Variants in RASGEF1B observed in about 807,000 individuals in gnomAD.
RASGEF1B encodes the protein RasGEF domain family member 1B.
RASGEF1B carries 30 observed loss-of-function variants against 65.7 expected under a neutral mutation model. The observed-to-expected ratio is 0.46, with a 90% CI of 0.34 to 0.62. The LOEUF (loss-of-function observed/expected upper bound fraction) is 0.62, where lower values mean the gene tolerates loss of function less well. Among genes scored for constraint, RASGEF1B ranks in the 20% least tolerant of loss-of-function variants. RASGEF1B has a pLI of 0.01. For missense variants in RASGEF1B, 495 were observed against 580.1 expected (o/e 0.85, Z 1.51); for synonymous variants, 175 against 194.8 (o/e 0.90, Z 0.85).
intron 7 of RASGEF1B, 53 bp downstream of exon 7, chr4:81,445,689 TA>T (rs1721995962): frequency 2.5e-5 from 39 of 1,585,364 alleles, no homozygotes; most frequent in Non-Finnish European, 3.3e-5. Context: ...AGTTCTAAAA[TA>T]AGTATGAAAA....
In RASGEF1B at chr4:81,427,781, A is replaced by G; in HGVS notation, c.1409T>C (p.Leu470Ser). 6.2e-7 allele frequency: 1 copy of G among 1,614,056 alleles called. No homozygotes were observed. The highest frequency in any genetic ancestry group is 8.5e-7 in the Non-Finnish European group (1 of 1,180,004). ...AGCTCCCATGTGTTAAACTCTGCCTAAGAGGCTCGACCTGAGTAATAAAAA... is the reference window on the plus strand; with the variant it reads ...AGCTCCCATGTGTTAAACTCTGCCTGAGAGGCTCGACCTGAGTAATAAAAA... ...DRWKSLRSSL[L>S]GRV Residue 470 changes from leucine to serine, a missense_variant, in exon 14 of 14, where the codon TTA becomes TCA. Transcript: ENST00000264400.
At chr4:81,450,380 GA>G (rs1193280008) in intron 4 of RASGEF1B, among the ~76,000 whole-genome samples, 1 of 137,422 alleles carries the variant, frequency 7.3e-6, no homozygotes, top group Non-Finnish European at 1.5e-5. Context: ...CTGATTGACT[GA>G]CTGAGACAGA....
intron 9 of RASGEF1B, 78 bp downstream of exon 9, chr4:81,442,219 A>G: frequency 1.1e-6 from 1 of 929,492 alleles, no homozygotes. Flanking sequence ...AGTCTGATGG[A>G]GAGGCAAGAC....
chr4:81,438,710 C>G (rs769820846), intron 10 of RASGEF1B, among the ~76,000 whole-genome samples: 14 of 152,082 alleles, frequency 9.2e-5, no homozygotes, highest in Middle Eastern at 3.4e-3. Flanking sequence ...TCCTAATGCT[C>G]TCCCTCCCCT....
At position 81,456,870 on chromosome 4, in the gene RASGEF1B, G is replaced by T; in HGVS notation, c.301-82C>A. Reference sequence around the variant, plus strand: ...ATCAATAGTTACAAAGAGCGTCACTGAGAAACTTCTAGTGCAAAGTCTTTA... The same window carrying T: ...ATCAATAGTTACAAAGAGCGTCACTTAGAAACTTCTAGTGCAAAGTCTTTA... On this transcript the variant is annotated intron_variant, in intron 3 of 13. Transcript: ENST00000264400. 3.2e-6 allele frequency: 4 copies of T among 1,266,748 alleles called. No individual in the cohort carries two copies. The South Asian group carries it at 5.8e-5, about 18-fold the overall frequency. 78.5% of individuals were successfully genotyped at this position (1,266,748 alleles called of 1,614,324 possible). A position where few individuals can be genotyped will look rare whatever the true frequency, so the allele number is the denominator to read the frequency against.
chr4:81,435,696 C>G (rs1169587543), intron 10 of RASGEF1B, among the ~76,000 whole-genome samples: 1 of 148,080 alleles, frequency 6.8e-6, no homozygotes, highest in Non-Finnish European at 1.5e-5. Context: ...AGGATGGTCT[C>G]GATCTCCTGA....
At chr4:81,431,848 C>T (rs1386304348) in intron 13 of RASGEF1B, among the ~76,000 whole-genome samples, 2 of 151,958 alleles carry the variant, frequency 1.3e-5, no homozygotes, top group Non-Finnish European at 2.9e-5. Flanking sequence ...GTTTAAAGTC[C>T]CAACTCTCTC....
In RASGEF1B at chr4:81,426,739, G is replaced by C. The variant is rs535361102; in HGVS notation, c.*1029C>G. ...TTTGTTTACTGCTATAGTGGGGACA[G>C]GTAACTTCTCCAATTTATTCTTTGT... is the stretch of plus-strand genomic sequence containing the variant. On this transcript the variant is annotated 3_prime_UTR_variant, in exon 14 of 14. Coordinates refer to ENST00000264400, the MANE Select transcript of RASGEF1B (RefSeq NM_152545.3). 6.6e-6 allele frequency: 1 copy of C among 152,126 alleles called. No homozygotes were observed. The highest frequency in any genetic ancestry group is 2.1e-4 in the South Asian group (1 of 4,806). 9.4% of individuals were successfully genotyped at this position (152,126 alleles called of 1,614,324 possible). A position where few individuals can be genotyped will look rare whatever the true frequency, so the allele number is the denominator to read the frequency against.
intron 8 of RASGEF1B, among the ~76,000 whole-genome samples, chr4:81,444,589 T>C (rs1207119474): frequency 6.6e-6 from 1 of 152,190 alleles, no homozygotes; most frequent in Non-Finnish European, 1.5e-5. Flanking sequence ...CAGGCTAGAA[T>C]GCAGTGGCAT....
intron 1 of RASGEF1B, among the ~76,000 whole-genome samples, chr4:81,469,394 C>T (rs972297403): frequency 6.6e-6 from 1 of 152,110 alleles, no homozygotes; most frequent in Admixed American, 6.5e-5. Flanking sequence ...AGGTACTCTG[C>T]GGATATTGAC....
chr4:81,439,730 A>G (rs1721770328), intron 10 of RASGEF1B, among the ~76,000 whole-genome samples: 1 of 152,212 alleles, frequency 6.6e-6, no homozygotes, highest in South Asian at 2.1e-4. Flanking sequence ...TTTTTTCTCA[A>G]TCTAATCACA....
chr4:81,443,901 A>C (rs1484852277), intron 8 of RASGEF1B, among the ~76,000 whole-genome samples: 8 of 152,230 alleles, frequency 5.3e-5, no homozygotes, highest in Admixed American at 2.0e-4. Context: ...ATAATGTACA[A>C]TAAGAGCCCC....
chr4:81,463,385 A>G (rs1722709089), intron 1 of RASGEF1B, among the ~76,000 whole-genome samples: 1 of 152,220 alleles, frequency 6.6e-6, no homozygotes, highest in South Asian at 2.1e-4. Context: ...AAACATGTTT[A>G]CTTAACAGTC....
chr4:81,435,754 C>A (rs1195146814), intron 10 of RASGEF1B, among the ~76,000 whole-genome samples: 2 of 140,708 alleles, frequency 1.4e-5, no homozygotes, highest in East Asian at 2.2e-4. Context: ...GGATTACAGG[C>A]GTGAGCCAAC....
rs753056411 is a variant in RASGEF1B, at chr4:81,457,488, T to A, written c.300+11A>T. On this transcript the variant is annotated intron_variant, in intron 3 of 13. Transcript: ENST00000264400. ...GCATTCCTAATAAAACAAATTGTAA[T>A]GTACCATTACCTTATCACTATCAGG... The A allele has an allele frequency of 1.9e-5, 30 of 1,611,452 alleles. No homozygotes were observed. In the South Asian group the frequency reaches 3.0e-4, roughly 16 times the overall value.
chr4:81,437,539 T>C (rs957384761), intron 10 of RASGEF1B, among the ~76,000 whole-genome samples: 1 of 152,238 alleles, frequency 6.6e-6, no homozygotes, highest in Non-Finnish European at 1.5e-5. Context: ...GTGAGATTCA[T>C]GCAGTGCTGA....
In RASGEF1B at chr4:81,446,162, G is replaced by A. The variant is rs985606451; in HGVS notation, c.730-324C>T. 3.9e-5 allele frequency among the ~76,000 whole-genome samples: 6 copies of A among 152,180 alleles called. 1 individual carries two copies. The highest frequency in any genetic ancestry group is 2.0e-4 in the Admixed American group (3 of 15,274). On this transcript the variant is annotated intron_variant, in intron 6 of 13. Coordinates refer to ENST00000264400, the MANE Select transcript of RASGEF1B (RefSeq NM_152545.3). ...GGCTGAGGTGGGTGGATCACCAGAG[G>A]TCAGGAGTTCGAGATCAGCCTGGCT...
chr4:81,456,852 G>A (rs1722462429), intron 3 of RASGEF1B, 64 bp from the exon 4 acceptor site: 21 of 1,381,396 alleles, frequency 1.5e-5, no homozygotes, highest in Non-Finnish European at 2.0e-5. Flanking sequence ...CAAATCAATA[G>A]TTACAAAGAG....
chr4:81,467,569 C>G (rs145261884), intron 1 of RASGEF1B, among the ~76,000 whole-genome samples: 2 of 152,128 alleles, frequency 1.3e-5, no homozygotes, highest in Admixed American at 1.3e-4. Flanking sequence ...GTTCCTAAAC[C>G]GGACAGTAGA....
Sources: gnomAD v4.1 joint callset for allele counts (sites outside exome capture counted in the v4.1 genomes callset) on GRCh38, gnomAD v4.1.1 for gene constraint, MANE v1.5 for transcripts, NCBI Gene and HGNC (gene_info 2026-07-23, HGNC 2026-07-21) for gene names.